The following MRPS21 variants were observed in gnomAD, a reference collection of about 807,000 sequenced individuals.
MRPS21 encodes small ribosomal subunit protein bS21m.
A neutral mutation model predicts 9.9 loss-of-function variants in MRPS21; 8 were observed. That is an observed-to-expected ratio of 0.81 (90% confidence interval 0.47 to 1.45). The LOEUF is 1.45. Ranked by LOEUF, MRPS21 falls within the 40% of genes most tolerant of loss-of-function variation. MRPS21 has a pLI of 0.00. For synonymous variants in MRPS21, 40 were observed against 40.3 expected, an observed-to-expected ratio of 0.99 and a Z score of 0.03; for missense variants, 101 against 118.9, an observed-to-expected ratio of 0.85 and a Z score of 0.70.
chr1:150,299,785 T>C (rs1654050930), intron 2 of MRPS21, among the ~76,000 whole-genome samples: 1 of 152,136 alleles, frequency 6.6e-6, no homozygotes, highest in Non-Finnish European at 1.5e-5. Flanking sequence ...CTCTTTTTGT[T>C]GGTGACTGGC....
intron 2 of MRPS21, among the ~76,000 whole-genome samples, chr1:150,306,837 A>C (rs1237721143): frequency 6.6e-6 from 1 of 152,044 alleles, no homozygotes. Flanking sequence ...AATCACCCCT[A>C]GTGATTCTGT....
chr1:150,307,348 C>CATTTTTTTTTTTTTTTTT (rs1654376892), intron 2 of MRPS21, among the ~76,000 whole-genome samples: 1 of 87,552 alleles, frequency 1.1e-5, no homozygotes. Flanking sequence ...GTGCCCAGTC[C>CATTTTTTTTTTTTTTTTT]TTTTTTTTTT....
In MRPS21 at chr1:150,308,517, A is replaced by C. The variant is rs1654436699; in HGVS notation, c.*289A>C. The stretch of plus-strand genomic sequence containing the variant: ...TATTGTTTAATGGGTACAGAGTTTC[A>C]GTTTGGGCAGATGAAAAAGTTCAGG... On this transcript the variant is annotated 3_prime_UTR_variant, in exon 3 of 3. Transcript: ENST00000614145. 1 of 227,828 alleles carries C rather than the reference A, an allele frequency of 4.4e-6. No individual in the cohort carries two copies. Among genetic ancestry groups the C allele is most frequent in the Non-Finnish European group, 8.6e-6 (1 of 115,640 alleles). The allele number at this position is 227,828 out of a possible 1,614,324, so 14.1% of individuals were successfully genotyped here. A position where few individuals can be genotyped will look rare whatever the true frequency, so the allele number is the denominator to read the frequency against.
intron 2 of MRPS21, among the ~76,000 whole-genome samples, chr1:150,304,402 C>G (rs1029044751): frequency 2.0e-5 from 3 of 152,016 alleles, no homozygotes; most frequent in African/African-American, 7.2e-5. Flanking sequence ...AAATTCTTGG[C>G]CCCTACTCTA....
At chr1:150,307,937 A>T in intron 2 of MRPS21, 111 bp from the exon 3 acceptor site, 1 of 1,068,002 alleles carries the variant, frequency 9.4e-7, no homozygotes, top group Non-Finnish European at 1.3e-6. Flanking sequence ...ACCATTTCCC[A>T]CTGTATTTTT....
intron 2 of MRPS21, among the ~76,000 whole-genome samples, chr1:150,301,498 G>A (rs1435639192): frequency 1.3e-5 from 2 of 152,156 alleles, no homozygotes; most frequent in African/African-American, 2.4e-5. Context: ...GCGAGACTTC[G>A]TCTCAAAAAA....
chr1:150,302,060 T>C (rs1306362881), intron 2 of MRPS21, among the ~76,000 whole-genome samples: 1 of 152,188 alleles, frequency 6.6e-6, no homozygotes, highest in Non-Finnish European at 1.5e-5. Flanking sequence ...AAATGTCCTC[T>C]CTCTAGCCAC....
chr1:150,296,342 C>T (rs782354105), intron 2 of MRPS21, among the ~76,000 whole-genome samples: 2 of 152,182 alleles, frequency 1.3e-5, no homozygotes, highest in Non-Finnish European at 2.9e-5. Flanking sequence ...TCTGGTATGA[C>T]TCACGCGTCA....
rs185392672 is a variant in MRPS21, at chr1:150,299,074, T to C, written c.83+4625T>C. ...TTACTAAAAATACAAAAATTAGCCA[T>C]GCATGGTGGCACAGGTCTGTAATCC... is the stretch of plus-strand genomic sequence containing the variant. On this transcript the variant is annotated intron_variant, in intron 2 of 2. Coordinates refer to ENST00000614145, the MANE Select transcript of MRPS21 (RefSeq NM_031901.6). 2.8e-3 allele frequency among the ~76,000 whole-genome samples: 430 copies of C among 152,242 alleles called. 2 individuals carry two copies. Among genetic ancestry groups the C allele is most frequent in the East Asian group, 5.2e-3 (27 of 5,166 alleles).
chr1:150,295,647 G>A (rs797023888), intron 2 of MRPS21, among the ~76,000 whole-genome samples: 1 of 152,238 alleles, frequency 6.6e-6, no homozygotes, highest in African/African-American at 2.4e-5. Flanking sequence ...GCAAAAGATG[G>A]GAAAGCTCAC....
intron 2 of MRPS21, among the ~76,000 whole-genome samples, chr1:150,297,269 C>G (rs149391991): frequency 0.022 from 3,026 of 138,870 alleles, 136 homozygotes; most frequent in African/African-American, 0.08. Flanking sequence ...CCAGCCTGGG[C>G]AACAGAGCGA....
In MRPS21 at chr1:150,308,141, G is replaced by A. The variant is rs782489906; in HGVS notation, c.177G>A (p.Arg59=). The A allele has an allele frequency of 6.2e-7, 1 of 1,610,360 alleles. No individual in the cohort carries two copies. The highest frequency in any genetic ancestry group is 1.1e-5 in the South Asian group (1 of 91,018). Residue 59 remains arginine (R), a synonymous_variant, in exon 3 of 3, where the codon AGG becomes AGA. Coordinates refer to ENST00000614145, the MANE Select transcript of MRPS21 (RefSeq NM_031901.6). ...GGCGACAGAGGGAAAGCTATGAAAG[G>A]TGCCGGCGGATCTACAACATGGAAA... The part of the protein sequence containing the change: ...CCRRQRESYE[R]CRRIYNMEMA...
At chr1:150,304,628 G>T (rs782391733) in intron 2 of MRPS21, 3 of 197,078 alleles carry the variant, frequency 1.5e-5, no homozygotes, top group Admixed American at 6.2e-5. Flanking sequence ...GGTGGTGCGT[G>T]TCTGTAGTCC....
intron 2 of MRPS21, among the ~76,000 whole-genome samples, chr1:150,302,558 G>T (rs1654183360): frequency 6.6e-6 from 1 of 152,152 alleles, no homozygotes; most frequent in Non-Finnish European, 1.5e-5. Flanking sequence ...CCCCGCTCCA[G>T]GCAGCTTGGC....
At chr1:150,294,184 C>T in intron 1 of MRPS21, 151 bp from the exon 2 acceptor site, 1 of 568,212 alleles carries the variant, frequency 1.8e-6, no homozygotes, top group Non-Finnish European at 3.3e-6. Context: ...CAACGATTCA[C>T]GTCTACTTTC....
At position 150,308,408 on chromosome 1, in the gene MRPS21, A is replaced by T. The variant is rs587672803; in HGVS notation, c.*180A>T. 13 of 551,300 alleles carry T rather than the reference A, an allele frequency of 2.4e-5. No individual in the cohort carries two copies. In the South Asian group the frequency reaches 4.7e-4, roughly 20 times the overall value. 34.2% of individuals were successfully genotyped at this position (551,300 alleles called of 1,614,324 possible). A position where few individuals can be genotyped will look rare whatever the true frequency, so the allele number is the denominator to read the frequency against. On this transcript the variant is annotated 3_prime_UTR_variant, in exon 3 of 3. Coordinates refer to ENST00000614145, the MANE Select transcript of MRPS21 (RefSeq NM_031901.6). Reference sequence around the variant, plus strand: ...TCAGCAGTGGACCCTGTCTTTTATTAAGTGAAAGAAGAAACTGAGTCTGAA... The same window carrying T: ...TCAGCAGTGGACCCTGTCTTTTATTTAGTGAAAGAAGAAACTGAGTCTGAA...
chr1:150,294,599 C>A, intron 2 of MRPS21, 150 bp downstream of exon 2: 1 of 714,204 alleles, frequency 1.4e-6, no homozygotes, highest in Non-Finnish European at 2.4e-6. Flanking sequence ...AGTTTATTAT[C>A]TTAAAAATGA....
At chr1:150,305,329 A>G (rs1553858366) in intron 2 of MRPS21, among the ~76,000 whole-genome samples, 1 of 152,094 alleles carries the variant, frequency 6.6e-6, no homozygotes, top group Admixed American at 6.6e-5. Flanking sequence ...GTGAGCCACC[A>G]TGGCCAGCCA....
At position 150,308,113 on chromosome 1, in the gene MRPS21, G is replaced by A. The variant is rs1409206858; in HGVS notation, c.149G>A (p.Cys50Tyr). ...CGGCGGTATTATGAGAAGCCATGCT[G>A]CCGGCGACAGAGGGAAAGCTATGAA... is the stretch of plus-strand genomic sequence containing the variant. ...KHRRYYEKPC[C>Y]RRQRESYERC... Residue 50 changes from cysteine to tyrosine, a missense_variant, in exon 3 of 3, where the codon TGC (cysteine) becomes TAC (tyrosine). By Grantham distance (194) the Cys-to-Tyr change is radical. Transcript: ENST00000614145. 6.8e-6 allele frequency: 11 copies of A among 1,607,414 alleles called. No homozygotes were observed. Among genetic ancestry groups the A allele is most frequent in the African/African-American group, 2.7e-5 (2 of 74,840 alleles).
Sources: gnomAD v4.1 joint callset for allele counts (sites outside exome capture counted in the v4.1 genomes callset) on GRCh38, gnomAD v4.1.1 for gene constraint, MANE v1.5 for transcripts, NCBI Gene and HGNC (gene_info 2026-07-23, HGNC 2026-07-21) for gene names.